The following FAM227B variants were observed in gnomAD, a reference collection of about 807,000 sequenced individuals.
FAM227B encodes the protein family with sequence similarity 227 member B, also known as protein FAM227B.
Under a neutral mutation model 73.8 loss-of-function variants are expected in FAM227B, and 88 were observed. The ratio of observed to expected loss-of-function variants is 1.19; its 90% CI spans 1.00 to 1.42. The LOEUF (loss-of-function observed/expected upper bound fraction) is 1.42. Ranked by LOEUF, FAM227B falls within the 40% of genes most tolerant of loss-of-function variation. FAM227B has a pLI of 0.00. For missense variants in FAM227B, 632 were observed against 590.9 expected (o/e 1.07, Z -0.72); for synonymous variants, 210 against 190.5 (o/e 1.10, Z -0.84).
chr15:49,516,143 A>AT (rs1489414833), intron 10 of FAM227B, among the ~76,000 whole-genome samples: 1 of 151,954 alleles, frequency 6.6e-6, no homozygotes, highest in African/African-American at 2.4e-5. Context: ...ACTTAAAAAA[A>AT]TTTTTTTATT....
At chr15:49,519,883 G>A (rs112038903) in intron 10 of FAM227B, among the ~76,000 whole-genome samples, 98 of 152,154 alleles carry the variant, frequency 6.4e-4, no homozygotes, top group African/African-American at 2.0e-3. Context: ...CTTTTCCGTC[G>A]CATTATTGGG....
At chr15:49,508,395 A>C in intron 10 of FAM227B, 47 bp from the exon 11 acceptor site, 1 of 1,456,368 alleles carries the variant, frequency 6.9e-7, no homozygotes, top group Non-Finnish European at 9.3e-7. Flanking sequence ...TGGATTTTGA[A>C]AATACCTTTT....
At chr15:49,454,165 A>C (rs936956569) in intron 11 of FAM227B, among the ~76,000 whole-genome samples, 7 of 152,160 alleles carry the variant, frequency 4.6e-5, no homozygotes, top group Non-Finnish European at 8.8e-5. Flanking sequence ...AGAGTGAATG[A>C]TTTATTGAAG....
intron 11 of FAM227B, chr15:49,486,822 T>C (rs936617110): frequency 6.6e-6 from 1 of 151,936 alleles, no homozygotes; most frequent in African/African-American, 2.4e-5. Context: ...ATTATGCAAA[T>C]TTTAGAAAAT....
At chr15:49,457,215 G>T (rs529505577) in intron 11 of FAM227B, among the ~76,000 whole-genome samples, 1 of 152,008 alleles carries the variant, frequency 6.6e-6, no homozygotes, top group African/African-American at 2.4e-5. Flanking sequence ...ATTGGAATCA[G>T]GAGAAAGTAG....
At position 49,328,498 on chromosome 15, in the gene FAM227B, T is replaced by C. The variant is rs559791513; in HGVS notation, c.*70A>G. On this transcript the variant is annotated 3_prime_UTR_variant, in exon 16 of 16. Transcript: ENST00000299338. ...ATGGATTGGACTTGAATTAAATATATTGTTACAATTAAACTGATACCACTG... is the reference window on the plus strand; with the variant it reads ...ATGGATTGGACTTGAATTAAATATACTGTTACAATTAAACTGATACCACTG... The C allele has an allele frequency of 6.3e-7, 1 of 1,579,934 alleles. No individual in the cohort carries two copies. The highest frequency in any genetic ancestry group is 2.2e-5 in the East Asian group (1 of 44,466).
rs141613270 is a variant in FAM227B at position 49,383,770 on chromosome 15, C to T, written c.1013-12371G>A. Reference sequence around the variant, plus strand: ...TTGGCAAATAATTTTTTAATTTCACCAGAAACTAAAGCAATCAAAGAAATG... The same window carrying T: ...TTGGCAAATAATTTTTTAATTTCACTAGAAACTAAAGCAATCAAAGAAATG... On this transcript the variant is annotated intron_variant, in intron 11 of 15. Transcript: ENST00000299338. Among the ~76,000 whole-genome samples the T allele has an allele frequency of 4.6e-5, 7 of 152,012 alleles. No homozygotes were observed. In the East Asian group the frequency reaches 1.4e-3, roughly 29 times the overall value.
intron 11 of FAM227B, among the ~76,000 whole-genome samples, chr15:49,390,559 T>C (rs1212225341): frequency 6.6e-6 from 1 of 152,072 alleles, no homozygotes; most frequent in Admixed American, 6.6e-5. Flanking sequence ...ATCTAATTCA[T>C]GGGCCAAGTC....
chr15:49,458,532 C>T (rs1567315629), intron 11 of FAM227B, among the ~76,000 whole-genome samples: 1 of 152,066 alleles, frequency 6.6e-6, no homozygotes, highest in Non-Finnish European at 1.5e-5. Context: ...AGATAATACT[C>T]ACTAGAAGAA....
chr15:49,337,455 T>C (rs1332732939), intron 13 of FAM227B, among the ~76,000 whole-genome samples: 1 of 151,720 alleles, frequency 6.6e-6, no homozygotes, highest in African/African-American at 2.4e-5. Context: ...ATGCTAAGCA[T>C]TTTTGCATAT....
At chr15:49,442,012 A>C (rs1195213765) in intron 11 of FAM227B, among the ~76,000 whole-genome samples, 1 of 151,564 alleles carries the variant, frequency 6.6e-6, no homozygotes, top group Non-Finnish European at 1.5e-5. Flanking sequence ...CTTTTTATCA[A>C]AAGATCCATT....
At chr15:49,489,862 A>ATATATATATATATTT (rs1567382933) in intron 11 of FAM227B, among the ~76,000 whole-genome samples, 6 of 6,392 alleles carry the variant, frequency 9.4e-4, no homozygotes, top group Admixed American at 3.5e-3. Context: ...TATATATTTT[A>ATATATATATATATTT]TATATATATA....
intron 2 of FAM227B, among the ~76,000 whole-genome samples, chr15:49,613,168 C>T (rs891507277): frequency 1.3e-5 from 2 of 151,956 alleles, no homozygotes; most frequent in African/African-American, 2.4e-5. Context: ...TTGGGCAACA[C>T]AGCAAGAGCC....
At chr15:49,598,567 T>C (rs190637205) in intron 3 of FAM227B, among the ~76,000 whole-genome samples, 189 of 152,150 alleles carry the variant, frequency 1.2e-3, no homozygotes, top group African/African-American at 4.4e-3. Context: ...CTATTGATTA[T>C]GATGTTAGAT....
At chr15:49,480,997 C>CA (rs1379226772) in intron 11 of FAM227B, among the ~76,000 whole-genome samples, 2 of 152,206 alleles carry the variant, frequency 1.3e-5, no homozygotes, top group African/African-American at 4.8e-5. Flanking sequence ...TTACAGATTC[C>CA]AGTCCCTAAT....
At chr15:49,410,596 T>C (rs2048807580) in intron 11 of FAM227B, among the ~76,000 whole-genome samples, 1 of 152,116 alleles carries the variant, frequency 6.6e-6, no homozygotes, top group Admixed American at 6.6e-5. Context: ...TTTAAAAAAT[T>C]TGTCATTTTG....
intron 9 of FAM227B, among the ~76,000 whole-genome samples, chr15:49,554,672 G>A (rs577899391): frequency 6.6e-6 from 1 of 152,328 alleles, no homozygotes; most frequent in South Asian, 2.1e-4. Flanking sequence ...GGTTGGGGAG[G>A]GGTGGTGTTG....
chr15:49,602,533 T>C (rs930961388), intron 3 of FAM227B, among the ~76,000 whole-genome samples: 19 of 152,236 alleles, frequency 1.2e-4, no homozygotes, highest in African/African-American at 4.3e-4. Context: ...TTATATATTC[T>C]GGTTATTAAT....
intron 13 of FAM227B, among the ~76,000 whole-genome samples, chr15:49,346,793 C>T (rs887207887): frequency 1.3e-5 from 2 of 152,174 alleles, no homozygotes; most frequent in African/African-American, 4.8e-5. Flanking sequence ...GAATCTCCTA[C>T]TTTATACACT....
Sources: gnomAD v4.1 joint callset for allele counts (sites outside exome capture counted in the v4.1 genomes callset) on GRCh38, gnomAD v4.1.1 for gene constraint, MANE v1.5 for transcripts, NCBI Gene and HGNC (gene_info 2026-07-23, HGNC 2026-07-21) for gene names.